Variants in NLRP11 observed in about 807,000 individuals in gnomAD.
NLRP11 encodes NACHT, LRR and PYD domains-containing protein 11.
NLRP11 carries 53 observed loss-of-function variants against 79.3 expected under a neutral mutation model. The ratio of observed to expected loss-of-function variants is 0.67; its 90% CI spans 0.54 to 0.84. The LOEUF (loss-of-function observed/expected upper bound fraction) is 0.84, where lower values mean the gene tolerates loss of function less well. Ranked by LOEUF, NLRP11 falls within the 40% of genes least tolerant of loss-of-function variation. NLRP11 has a pLI of 0.00. For synonymous variants in NLRP11, 518 were observed against 462.6 expected, an observed-to-expected ratio of 1.12 and a Z score of -1.54; for missense variants, 1,264 against 1,255.0, an observed-to-expected ratio of 1.01 and a Z score of -0.11.
At chr19:55,793,002 T>A in intron 6 of NLRP11, among the ~76,000 whole-genome samples, 1 of 152,176 alleles carries the variant, frequency 6.6e-6, no homozygotes, top group East Asian at 1.9e-4. Context: ...TCAATCCTAA[T>A]CTGGATTTCC....
At chr19:55,817,842 C>T in intron 2 of NLRP11, 62 bp downstream of exon 2, 2 of 1,286,654 alleles carry the variant, frequency 1.6e-6, no homozygotes, top group East Asian at 4.8e-5. Flanking sequence ...AAAAAAGGCC[C>T]AACACCCAGC....
chr19:55,835,915 A>G (rs1008540355), upstream of NLRP11, among the ~76,000 whole-genome samples: 1 of 152,214 alleles, frequency 6.6e-6, no homozygotes, highest in East Asian at 1.9e-4. Context: ...CTTGAGGTCA[A>G]GGGTTCGAGA....
upstream of NLRP11, among the ~76,000 whole-genome samples, chr19:55,835,976 T>C (rs896556095): frequency 1.6e-4 from 24 of 152,252 alleles, no homozygotes; most frequent in African/African-American, 5.5e-4. Context: ...ATACAAAAAT[T>C]AGCCGGGCAT....
chr19:55,823,071 C>T (rs1302041313), intron 1 of NLRP11, among the ~76,000 whole-genome samples: 324 of 148,022 alleles, frequency 2.2e-3, no homozygotes, highest in Non-Finnish European at 3.4e-3. Context: ...GATCTGAGAA[C>T]CAGCAGACTG....
At chr19:55,788,875 C>A in exon 9 of NLRP11, 1 of 1,613,630 alleles carries the variant, frequency 6.2e-7, no homozygotes, top group Non-Finnish European at 8.5e-7. Flanking sequence ...CATCATTGCC[C>A]AAGTGATTTT....
At chr19:55,814,854 G>A (rs8101591) in intron 2 of NLRP11, among the ~76,000 whole-genome samples, 70,564 of 151,880 alleles carry the variant, frequency 0.46, 18,471 homozygotes, top group African/African-American at 0.7. Context: ...AGTGAGACAG[G>A]ACAGCCACCA....
At chr19:55,822,963 CACAG>C in intron 1 of NLRP11, among the ~76,000 whole-genome samples, 1 of 152,204 alleles carries the variant, frequency 6.6e-6, no homozygotes. Flanking sequence ...GGGGGCAGGG[CACAG>C]ACAAACAAAA....
chr19:55,809,631 G>A lies in NLRP11; in HGVS notation c.979C>T (p.His327Tyr). Reference sequence around the variant, plus strand: ...AGACCCACGAGTATTTCATCCTCATGTACAAGCTGGAGGGCTGCCGACGCC... The same window carrying A: ...AGACCCACGAGTATTTCATCCTCATATACAAGCTGGAGGGCTGCCGACGCC... Residue 327 changes from histidine (H) to tyrosine (Y), a missense_variant, in exon 3 of 10, where the codon CAT becomes TAT. Transcript: ENST00000589093. The surrounding 1 kb of genome is among the most constrained non-coding windows in gnomAD (Gnocchi z 4.5). 6.2e-7 allele frequency: 1 copy of A among 1,614,198 alleles called. No individual in the cohort carries two copies.
rs1312746477 is a variant in NLRP11, at chr19:55,809,163, CTCTCT to C, written c.1442_1446del (p.Lys481ArgfsTer5). 1 of 1,613,726 alleles carries C rather than the reference CTCTCT, an allele frequency of 6.2e-7. No homozygotes were observed. Among genetic ancestry groups the C allele is most frequent in the Non-Finnish European group, 8.5e-7 (1 of 1,179,746 alleles). On this transcript the variant is annotated frameshift_variant, in exon 3 of 10. Transcript: ENST00000589093. LOFTEE classifies it high-confidence loss of function. The surrounding 1 kb of genome is among the most constrained non-coding windows in gnomAD (Gnocchi z 4.5). ...ACTTGATTAAAGTCAGAGTATTGTT[CTCTCT>C]TCTCTTTATACTCTCTGCTGCCTGA...
rs545668918 is a variant in NLRP11, at chr19:55,786,444, C to T, written c.2856-573G>A. ...GGAGGCTGAGGTGGATTACTTGCACCTGGGAGGTCAAGGCTGCAGTGAGCC... is the reference window on the plus strand; with the variant it reads ...GGAGGCTGAGGTGGATTACTTGCACTTGGGAGGTCAAGGCTGCAGTGAGCC... On this transcript the variant is annotated intron_variant, in intron 9 of 9. Coordinates refer to ENST00000589093, the Ensembl canonical transcript of NLRP11. 2.0e-5 allele frequency among the ~76,000 whole-genome samples: 3 copies of T among 152,158 alleles called. No homozygotes were observed. In the South Asian group the frequency reaches 6.2e-4, roughly 32 times the overall value.
chr19:55,796,690 TTTC>T (rs1978919807), intron 5 of NLRP11, among the ~76,000 whole-genome samples: 3 of 116,662 alleles, frequency 2.6e-5, no homozygotes. Context: ...CTATCTCTAT[TTTC>T]TTTTTTTTTT....
chr19:55,830,337 T>C (rs1316408793), intron 1 of NLRP11, among the ~76,000 whole-genome samples: 1 of 152,208 alleles, frequency 6.6e-6, no homozygotes. Flanking sequence ...AGGAGTCAAC[T>C]GTATTTCTTT....
At position 55,828,984 on chromosome 19, in the gene NLRP11, T is replaced by G. The variant is rs78688580; in HGVS notation, c.-63+2979A>C. Among the ~76,000 whole-genome samples the G allele has an allele frequency of 7.8e-3, 1,187 of 152,282 alleles. 26 individuals carry two copies. The highest frequency in any genetic ancestry group is 0.027 in the African/African-American group (1,129 of 41,564). On this transcript the variant is annotated intron_variant, in intron 1 of 9. Transcript: ENST00000589093. ...AGGAAATATCAATTAGATATAGAACTTGAAGAGACAAGAAGTTACAAATGG... is the reference window on the plus strand; with the variant it reads ...AGGAAATATCAATTAGATATAGAACGTGAAGAGACAAGAAGTTACAAATGG...
At chr19:55,821,321 C>T (rs1161236178) in intron 1 of NLRP11, among the ~76,000 whole-genome samples, 3 of 151,908 alleles carry the variant, frequency 2.0e-5, no homozygotes, top group African/African-American at 7.3e-5. Context: ...TCACTTGCTG[C>T]TGGGGGAATT....
At chr19:55,808,517 C>T (rs1019940032) in intron 3 of NLRP11, among the ~76,000 whole-genome samples, 3 of 152,192 alleles carry the variant, frequency 2.0e-5, no homozygotes, top group Non-Finnish European at 4.4e-5. Context: ...TACTGCTAAA[C>T]CTCTTACAAT....
chr19:55,809,002 C>G lies in NLRP11; in HGVS notation c.1608G>C (p.Pro536=). 2.5e-6 allele frequency: 4 copies of G among 1,614,062 alleles called. No homozygotes were observed. Among genetic ancestry groups the G allele is most frequent in the Non-Finnish European group, 3.4e-6 (4 of 1,180,008 alleles). The stretch of plus-strand genomic sequence containing the variant: ...AAGGCATATGGTGCGTCAACTTTTC[C>G]GGGTCACGGTCCAAATGTTTCATGT... The change falls in exon 3 of 10, where the codon CCG becomes CCC. Residue 536 remains proline (P), a synonymous_variant. Transcript: ENST00000589093. This position sits in a 1 kb window ranked among gnomAD's most constrained non-coding sequence, Gnocchi z 4.5.
exon 2 of NLRP11, chr19:55,817,972 A>G: frequency 6.2e-7 from 1 of 1,613,120 alleles, no homozygotes; most frequent in Non-Finnish European, 8.5e-7. Context: ...GCTGAAGAGC[A>G]TATTCCATAT....
At chr19:55,787,778 G>A (rs1989972227) in intron 9 of NLRP11, among the ~76,000 whole-genome samples, 1 of 152,178 alleles carries the variant, frequency 6.6e-6, no homozygotes, top group Non-Finnish European at 1.5e-5. Flanking sequence ...GAGTTGGAGA[G>A]CAAGTCTTTT....
chr19:55,798,492 C>T (rs553953967), intron 5 of NLRP11, among the ~76,000 whole-genome samples: 3 of 152,208 alleles, frequency 2.0e-5, no homozygotes, highest in Non-Finnish European at 2.9e-5. Flanking sequence ...GGGAACAATA[C>T]ACACTGGGGC....
Sources: gnomAD v4.1 joint callset for allele counts (sites outside exome capture counted in the v4.1 genomes callset) on GRCh38, gnomAD v4.1.1 for gene constraint, Gnocchi (gnomAD v3.1) non-coding constraint, MANE v1.5 for transcripts, NCBI Gene and HGNC (gene_info 2026-07-23, HGNC 2026-07-21) for gene names.